SYT1: variants seen among roughly 807,000 people sequenced by gnomAD.
SYT1 encodes the protein synaptotagmin 1.
SYT1 carries 8 observed loss-of-function variants against 44.8 expected under a neutral mutation model. The observed-to-expected ratio is 0.18, with a 90% CI of 0.10 to 0.32. The LOEUF is 0.32. Among genes scored for constraint, SYT1 ranks in the 10% least tolerant of loss-of-function variants. The pLI is 1.00. For missense variants in SYT1, 286 were observed against 509.3 expected (o/e 0.56, Z 4.22); for synonymous variants, 154 against 188.8 (o/e 0.82, Z 1.51).
chr12:79,367,368 T>TG (rs1185870647), intron 9 of SYT1, among the ~76,000 whole-genome samples: 1 of 152,196 alleles, frequency 6.6e-6, no homozygotes. Context: ...TGGCAGGACC[T>TG]GGTCCCAGAG....
chr12:79,157,526 A>G (rs1363772286), intron 3 of SYT1, among the ~76,000 whole-genome samples: 1 of 152,158 alleles, frequency 6.6e-6, no homozygotes, highest in Non-Finnish European at 1.5e-5. Flanking sequence ...TGACAAAAAT[A>G]ATGTACTCAT....
chr12:79,054,948 A>G (rs756477193), intron 3 of SYT1, among the ~76,000 whole-genome samples: 3 of 151,972 alleles, frequency 2.0e-5, no homozygotes, highest in Non-Finnish European at 4.4e-5. Flanking sequence ...AATCTAAACC[A>G]TATTTCATGA....
At chr12:78,974,845 C>T (rs1868699172) in intron 1 of SYT1, among the ~76,000 whole-genome samples, 1 of 152,022 alleles carries the variant, frequency 6.6e-6, no homozygotes, top group Admixed American at 6.6e-5. Flanking sequence ...CCTGCCTCCA[C>T]CTCAATCCAT....
At chr12:78,872,808 T>C (rs919367303) in intron 1 of SYT1, among the ~76,000 whole-genome samples, 1 of 151,838 alleles carries the variant, frequency 6.6e-6, no homozygotes, top group African/African-American at 2.4e-5. Flanking sequence ...ACAAAATATA[T>C]GTATAGATAA....
intron 4 of SYT1, among the ~76,000 whole-genome samples, chr12:79,228,827 C>T (rs1160647919): frequency 6.6e-6 from 1 of 152,204 alleles, no homozygotes; most frequent in Non-Finnish European, 1.5e-5. Context: ...ATGATTTTCT[C>T]TCTTCCTGGA....
intron 2 of SYT1, among the ~76,000 whole-genome samples, chr12:79,032,104 T>G (rs578225532): frequency 2.0e-5 from 3 of 151,330 alleles, no homozygotes; most frequent in African/African-American, 7.2e-5. Flanking sequence ...ATGATTCAAC[T>G]GTACCACCAG....
intron 1 of SYT1, among the ~76,000 whole-genome samples, chr12:78,938,077 T>C (rs939640208): frequency 6.6e-6 from 1 of 151,752 alleles, no homozygotes; most frequent in Admixed American, 6.6e-5. Context: ...TTTAAAATAA[T>C]TACAACTAGG....
intron 3 of SYT1, among the ~76,000 whole-genome samples, chr12:79,188,030 T>G (rs1391946975): frequency 1.3e-5 from 2 of 152,132 alleles, no homozygotes; most frequent in Admixed American, 6.6e-5. Context: ...AACACACACA[T>G]GTACAGCACA....
At chr12:79,420,274 T>A (rs1480531476) in intron 9 of SYT1, among the ~76,000 whole-genome samples, 2 of 152,130 alleles carry the variant, frequency 1.3e-5, no homozygotes, top group South Asian at 4.1e-4. Context: ...ATTGCTCATA[T>A]CCTTGCCATG....
chr12:79,212,621 T>C (rs1020690854), intron 3 of SYT1, among the ~76,000 whole-genome samples: 2 of 152,212 alleles, frequency 1.3e-5, no homozygotes, highest in Non-Finnish European at 2.9e-5. Flanking sequence ...CTTGGTATAT[T>C]TCAGGATGCT....
chr12:78,972,035 T>C (rs1868416951), intron 1 of SYT1, among the ~76,000 whole-genome samples: 1 of 152,178 alleles, frequency 6.6e-6, no homozygotes, highest in South Asian at 2.1e-4. Flanking sequence ...AATCCTAATG[T>C]CTGTTTTACA....
chr12:78,992,970 G>C (rs1338899455), intron 2 of SYT1, among the ~76,000 whole-genome samples: 4 of 152,174 alleles, frequency 2.6e-5, no homozygotes, highest in African/African-American at 9.7e-5. Flanking sequence ...TGACTGCAGA[G>C]AAAATTCTCT....
At chr12:79,024,736 T>A (rs765562541) in intron 2 of SYT1, among the ~76,000 whole-genome samples, 3 of 151,790 alleles carry the variant, frequency 2.0e-5, no homozygotes, top group East Asian at 3.9e-4. Context: ...TGTAGGGGGA[T>A]GCTGAAATGA....
At chr12:78,948,750 A>G (rs973046910) in intron 1 of SYT1, among the ~76,000 whole-genome samples, 17 of 151,854 alleles carry the variant, frequency 1.1e-4, no homozygotes, top group Non-Finnish European at 2.5e-4. Context: ...TGAACACGTT[A>G]GCATTTTAAG....
chr12:79,124,499 G>A (rs777655578), intron 3 of SYT1, among the ~76,000 whole-genome samples: 2 of 152,004 alleles, frequency 1.3e-5, no homozygotes, highest in Non-Finnish European at 2.9e-5. Context: ...GGAAAAAAGC[G>A]TGCCCAATAA....
chr12:79,181,545 C>A (rs74771957), intron 3 of SYT1, among the ~76,000 whole-genome samples: 5,698 of 151,992 alleles, frequency 0.037, 191 homozygotes, highest in East Asian at 0.12. Context: ...TTCTCCATAT[C>A]AACCGTATAC....
At chr12:79,372,794 C>T (rs1185646256) in intron 9 of SYT1, among the ~76,000 whole-genome samples, 1 of 152,094 alleles carries the variant, frequency 6.6e-6, no homozygotes, top group African/African-American at 2.4e-5. Context: ...CCCACAACAG[C>T]CCCTCATCCC....
chr12:79,434,128 C>T (rs1869952782), intron 9 of SYT1, among the ~76,000 whole-genome samples: 1 of 152,108 alleles, frequency 6.6e-6, no homozygotes, highest in Non-Finnish European at 1.5e-5. Flanking sequence ...TTATCTGTTT[C>T]AAAGCACTCC....
chr12:79,074,657 C>A (rs143410128), intron 3 of SYT1, among the ~76,000 whole-genome samples: 52 of 152,250 alleles, frequency 3.4e-4, no homozygotes, highest in Non-Finnish European at 6.5e-4. Context: ...GTCAGCCTCT[C>A]AGACTCCTAT....
Sources: allele counts gnomAD v4.1 joint callset (sites outside exome capture counted in the v4.1 genomes callset), GRCh38; gene constraint gnomAD v4.1.1; transcripts MANE v1.5; gene names NCBI Gene and HGNC (gene_info 2026-07-23, HGNC 2026-07-21).